The following RBP4 variants were observed in gnomAD, a reference collection of about 807,000 sequenced individuals.
RBP4 encodes the protein retinol-binding protein 4.
A neutral mutation model predicts 26.2 loss-of-function variants in RBP4; 9 were observed. The ratio of observed to expected loss-of-function variants is 0.34; its 90% confidence interval spans 0.21 to 0.60. The LOEUF is 0.60. Among genes scored for constraint, RBP4 ranks in the 20% least tolerant of loss-of-function variants. RBP4 has a pLI of 0.80. For synonymous variants in RBP4, 114 were observed against 111.0 expected (o/e 1.03, Z -0.17); for missense variants, 244 against 271.3 (o/e 0.90, Z 0.71).
intron 3 of RBP4, 51 bp from the exon 4 acceptor site, chr10:93,600,550 C>T (rs753316448): frequency 5.6e-6 from 9 of 1,612,394 alleles, no homozygotes; most frequent in Admixed American, 1.7e-5. Flanking sequence ...GGCTTCCTCC[C>T]TCCCTCCACC....
chr10:93,598,781 A>T (rs985670731), intron 4 of RBP4, among the ~76,000 whole-genome samples: 6 of 152,222 alleles, frequency 3.9e-5, no homozygotes, highest in Non-Finnish European at 8.8e-5. Flanking sequence ...GCTATAGAAC[A>T]TATGTGTTTC....
intron 4 of RBP4, among the ~76,000 whole-genome samples, chr10:93,596,201 CT>C (rs3215968): frequency 0.15 from 19,799 of 134,532 alleles, 1,588 homozygotes; most frequent in African/African-American, 0.23. Context: ...GGCAGCTTAA[CT>C]TTTTTTTTTT....
Position 93,599,085 on chromosome 10 carries a change from C to CA in RBP4, c.355+1307dup, listed in dbSNP as rs564200836. 1.1e-3 allele frequency among the ~76,000 whole-genome samples: 165 copies of CA among 151,278 alleles called. 1 individual carries two copies. In the East Asian group the frequency reaches 0.027, roughly 24 times the overall value. On this transcript the variant is annotated intron_variant, in intron 4 of 5. Transcript: ENST00000371464. ...GCAAGCTGGGGAGACCCTGACTCCA[C>CA]AAAAAATACAAAAATTAGCCAGGCA...
At position 93,592,045 on chromosome 10, in the gene RBP4, T is replaced by G. The variant is rs773430596; in HGVS notation, c.*30A>C. The G allele has an allele frequency of 8.9e-6, 14 of 1,581,396 alleles. No individual in the cohort carries two copies. The highest frequency in any genetic ancestry group is 1.1e-5 in the Non-Finnish European group (13 of 1,150,106). ...CTGAAGACTGAGAGCTAATCAGAAG[T>G]TCTCAGATGAAACTAGATTCTTGAT... On this transcript the variant is annotated 3_prime_UTR_variant, in exon 6 of 6. Transcript: ENST00000371464.
intron 5 of RBP4, 24 bp from the exon 6 acceptor site, chr10:93,592,136 T>A: frequency 6.2e-7 from 1 of 1,613,268 alleles, no homozygotes. Flanking sequence ...AACAAAGCCA[T>A]TAACGACAGA....
intron 5 of RBP4, 95 bp downstream of exon 5, chr10:93,593,728 G>A (rs991358531): frequency 2.9e-6 from 4 of 1,388,286 alleles, no homozygotes; most frequent in African/African-American, 1.4e-5. Flanking sequence ...TTTCTCTGGG[G>A]TACGGACAAA....
At chr10:93,596,613 C>G (rs1342395775) in intron 4 of RBP4, among the ~76,000 whole-genome samples, 1 of 152,180 alleles carries the variant, frequency 6.6e-6, no homozygotes, top group African/African-American at 2.4e-5. Context: ...TGGCTGGGAG[C>G]CCCTGCCTCC....
chr10:93,599,948 C>G (rs1042490076), intron 4 of RBP4, among the ~76,000 whole-genome samples: 1 of 152,174 alleles, frequency 6.6e-6, no homozygotes, highest in South Asian at 2.1e-4. Flanking sequence ...GCATCCACCC[C>G]TATGCACAGT....
rs561316976 is a variant in RBP4, at chr10:93,594,061, G to A, written c.356-26C>T. 4.1e-5 allele frequency: 66 copies of A among 1,605,970 alleles called. No homozygotes were observed. The South Asian group carries it at 5.1e-4, about 12-fold the overall frequency. On this transcript the variant is annotated intron_variant, in intron 4 of 5. Coordinates refer to ENST00000371464, the MANE Select transcript of RBP4 (RefSeq NM_006744.4). ...CTGCAAGCCAGAAAGCCACCATGCC[G>A]ATCAATGCCTTTCCCTCATGGGCTC...
At chr10:93,600,841 G>A (rs750535264) in intron 2 of RBP4, 38 bp from the exon 3 acceptor site, 2 of 1,600,400 alleles carry the variant, frequency 1.2e-6, no homozygotes, top group South Asian at 1.1e-5. Context: ...GGCGTCCGGG[G>A]GCGCACGGCG....
Position 93,600,489 on chromosome 10 carries a change from C to G in RBP4, c.259G>C (p.Val87Leu). Reference sequence around the variant, plus strand: ...AAGGTGCCCACCATGTCTGCGCACACGTCCCAGTTACTGCAAAAGCCAAGG... The same window carrying G: ...AAGGTGCCCACCATGTCTGCGCACAGGTCCCAGTTACTGCAAAAGCCAAGG... ...GRVRLLNNWD[V>L]CADMVGTFTD... The change falls in exon 4 of 6, where the codon GTG becomes CTG. Residue 87 changes from valine to leucine, a missense_variant. Coordinates refer to ENST00000371464, the MANE Select transcript of RBP4 (RefSeq NM_006744.4). The G allele has an allele frequency of 6.2e-7, 1 of 1,614,150 alleles. No individual in the cohort carries two copies. The highest frequency in any genetic ancestry group is 8.5e-7 in the Non-Finnish European group (1 of 1,180,028).
At chr10:93,595,641 G>A (rs7091052) in intron 4 of RBP4, among the ~76,000 whole-genome samples, 23,646 of 152,244 alleles carry the variant, frequency 0.16, 1,991 homozygotes, top group South Asian at 0.34. Flanking sequence ...TTGGAGAAGC[G>A]CAGAGGGAAC....
Position 93,601,231 on chromosome 10 carries a change from G to T in RBP4, c.-79C>A. On this transcript the variant is annotated 5_prime_UTR_variant, in exon 1 of 6. Coordinates refer to ENST00000371464, the MANE Select transcript of RBP4 (RefSeq NM_006744.4). ...GAGTCCGGGCGCGCGTGGAGCGAGG[G>T]AGGCGAGCGCGCCGCGGCCGCCCCG... The T allele has an allele frequency of 8.0e-7, 1 of 1,244,920 alleles. No homozygotes were observed. Among genetic ancestry groups the T allele is most frequent in the Non-Finnish European group, 1.0e-6 (1 of 999,486 alleles). 77.1% of individuals were successfully genotyped at this position (1,244,920 alleles called of 1,614,324 possible).
At chr10:93,593,009 G>T (rs1427810444) in intron 5 of RBP4, among the ~76,000 whole-genome samples, 3 of 152,064 alleles carry the variant, frequency 2.0e-5, no homozygotes, top group African/African-American at 7.2e-5. Flanking sequence ...GTAGAGATGG[G>T]GTTTTGCCAT....
rs534671062 is a variant in RBP4, at chr10:93,592,757, A to C, written c.569-645T>G. Among the ~76,000 whole-genome samples, 21 of 152,254 alleles carry C rather than the reference A, an allele frequency of 1.4e-4. No homozygotes were observed. The South Asian group carries it at 3.3e-3, about 24-fold the overall frequency. On this transcript the variant is annotated intron_variant, in intron 5 of 5. Transcript: ENST00000371464. The stretch of plus-strand genomic sequence containing the variant: ...CAATTTGATTTTGGTCTAAGTTCCC[A>C]TCTGTTTGGTGTAGTGGGTCAGTTC...
At chr10:93,595,951 A>T (rs139133636) in intron 4 of RBP4, among the ~76,000 whole-genome samples, 1 of 152,288 alleles carries the variant, frequency 6.6e-6, no homozygotes, top group African/African-American at 2.4e-5. Flanking sequence ...CCATAAAGTT[A>T]TTCAGCAGAA....
chr10:93,601,316 C>G (rs1346781352), upstream of RBP4: 14 of 1,215,252 alleles, frequency 1.2e-5, no homozygotes, highest in Non-Finnish European at 1.4e-5. Context: ...GGTGAAAGAC[C>G]GAAGGGGAGG....
At chr10:93,598,777 G>C (rs953452694) in intron 4 of RBP4, among the ~76,000 whole-genome samples, 2 of 152,212 alleles carry the variant, frequency 1.3e-5, no homozygotes, top group Non-Finnish European at 2.9e-5. Context: ...AAATGCTATA[G>C]AACATATGTG....
At position 93,597,486 on chromosome 10, in the gene RBP4, C is replaced by T. The variant is rs75130970; in HGVS notation, c.355+2907G>A. ...TAGAAACTATTCTTTATCCCCATTT[C>T]ATAGTGAAGGAAGTCAAATCTCAGG... is the stretch of plus-strand genomic sequence containing the variant. On this transcript the variant is annotated intron_variant, in intron 4 of 5. Transcript: ENST00000371464. 4.4e-3 allele frequency among the ~76,000 whole-genome samples: 672 copies of T among 152,328 alleles called. 5 individuals are homozygous for T. Among genetic ancestry groups the T allele is most frequent in the African/African-American group, 0.016 (654 of 41,582 alleles).
Sources: allele counts gnomAD v4.1 joint callset (sites outside exome capture counted in the v4.1 genomes callset), GRCh38; gene constraint gnomAD v4.1.1; transcripts MANE v1.5; gene names NCBI Gene and HGNC (gene_info 2026-07-23, HGNC 2026-07-21).